Variants in DUSP22 observed in about 807,000 individuals in gnomAD.
The protein encoded by DUSP22 is dual specificity protein phosphatase 22.
A neutral mutation model predicts 24.5 loss-of-function variants in DUSP22; 24 were observed. The observed-to-expected ratio is 0.98, with a 90% confidence interval of 0.71 to 1.38. The LOEUF (loss-of-function observed/expected upper bound fraction) is 1.38. DUSP22 is among the 40% of genes most tolerant of loss of function. The pLI is 0.00. For synonymous variants in DUSP22, 160 were observed against 106.4 expected, an observed-to-expected ratio of 1.50 and a Z score of -3.10; for missense variants, 330 against 269.2, an observed-to-expected ratio of 1.23 and a Z score of -1.58.
At chr6:332,916 A>G (rs886895153) in intron 3 of DUSP22, among the ~76,000 whole-genome samples, 7 of 152,310 alleles carry the variant, frequency 4.6e-5, no homozygotes, top group Admixed American at 3.9e-4. Flanking sequence ...TTCTGGACTG[A>G]TCGACTGCCA....
intron 3 of DUSP22, among the ~76,000 whole-genome samples, chr6:323,122 G>C (rs971226346): frequency 1.3e-5 from 2 of 152,302 alleles, no homozygotes; most frequent in Non-Finnish European, 2.9e-5. Context: ...TGAAGCAATA[G>C]CACCTAGCTA....
At chr6:344,465 A>G (rs1759763399) in intron 4 of DUSP22, among the ~76,000 whole-genome samples, 4 of 152,208 alleles carry the variant, frequency 2.6e-5, no homozygotes, top group Admixed American at 2.0e-4. Flanking sequence ...TTTTTTTGGT[A>G]TTTTCTGTAG....
At chr6:304,805 T>C (rs1757746668) in intron 2 of DUSP22, 144 bp downstream of exon 2, 2 of 1,250,786 alleles carry the variant, frequency 1.6e-6, no homozygotes, top group South Asian at 2.4e-5. Context: ...TGCAGGACTT[T>C]TCATGTTCCC....
intron 2 of DUSP22, among the ~76,000 whole-genome samples, chr6:311,557 G>T (rs992425506): frequency 1.4e-4 from 21 of 152,298 alleles, no homozygotes; most frequent in Non-Finnish European, 2.4e-4. Flanking sequence ...GCGGGCGCCT[G>T]TAGTCCCAGC....
chr6:346,078 G>A (rs532137827), intron 5 of DUSP22, 150 bp downstream of exon 5: 33 of 1,013,460 alleles, frequency 3.3e-5, no homozygotes, highest in African/African-American at 9.6e-5. Context: ...TTTGTCCAGC[G>A]CTGTGTGTTA....
intron 4 of DUSP22, among the ~76,000 whole-genome samples, chr6:339,693 G>GAGA (rs1352870992): frequency 6.6e-6 from 1 of 152,292 alleles, no homozygotes; most frequent in Admixed American, 6.5e-5. Flanking sequence ...TTTTTGTGGG[G>GAGA]AGAAGAAGCT....
intron 3 of DUSP22, among the ~76,000 whole-genome samples, chr6:330,649 GA>G (rs1488650710): frequency 6.6e-5 from 10 of 152,294 alleles, no homozygotes; most frequent in Non-Finnish European, 1.5e-4. Flanking sequence ...TGTTGAAACA[GA>G]AAACTGAAAA....
At chr6:339,314 T>C (rs1266090886) in intron 4 of DUSP22, among the ~76,000 whole-genome samples, 1 of 152,306 alleles carries the variant, frequency 6.6e-6, no homozygotes, top group African/African-American at 2.4e-5. Flanking sequence ...AAAATGCCTA[T>C]CTCACAGGGT....
Position 348,168 on chromosome 6 carries a change from G to T in DUSP22, c.329G>T (p.Gly110Val), listed in dbSNP as rs1759978117. ...TACATCATGACCGTCACTGACTTTG[G>T]CTGGGAGGATGCCCTGCACACCGTG... Reference protein sequence around the residue: ...IAYIMTVTDFGWEDALHTVRA... With the variant: ...IAYIMTVTDFVWEDALHTVRA... The change falls in exon 6 of 7, where the codon GGC becomes GTC. Residue 110 changes from glycine (G) to valine (V), a missense_variant. Coordinates refer to ENST00000419235, the MANE Select transcript of DUSP22 (RefSeq NM_001286555.3). The T allele has an allele frequency of 6.2e-7, 1 of 1,614,302 alleles. No homozygotes were observed. Among genetic ancestry groups the T allele is most frequent in the Non-Finnish European group, 8.5e-7 (1 of 1,180,060 alleles).
At chr6:348,505 T>G in intron 6 of DUSP22, 1 of 856,810 alleles carries the variant, frequency 1.2e-6, no homozygotes, top group Non-Finnish European at 1.8e-6. Flanking sequence ...TGGTACTCCC[T>G]ACTAGTTTGT....
At chr6:312,623 T>G (rs1244270174) in intron 3 of DUSP22, among the ~76,000 whole-genome samples, 1 of 152,294 alleles carries the variant, frequency 6.6e-6, no homozygotes, top group Non-Finnish European at 1.5e-5. Flanking sequence ...AAAATAATGC[T>G]GTGTGGTTGT....
intron 1 of DUSP22, among the ~76,000 whole-genome samples, chr6:294,955 G>A (rs866574460): frequency 6.6e-6 from 1 of 152,282 alleles, no homozygotes; most frequent in Non-Finnish European, 1.5e-5. Context: ...GTGAGATCAG[G>A]AGGAACTACC....
At chr6:317,608 G>T (rs1202221706) in intron 3 of DUSP22, among the ~76,000 whole-genome samples, 1 of 152,304 alleles carries the variant, frequency 6.6e-6, no homozygotes, top group Non-Finnish European at 1.5e-5. Context: ...CATGAGACAC[G>T]TGTGCACTGT....
chr6:344,015 C>T (rs1561680821), intron 4 of DUSP22, among the ~76,000 whole-genome samples: 1 of 152,302 alleles, frequency 6.6e-6, no homozygotes, highest in Admixed American at 6.5e-5. Flanking sequence ...ATGTGCTATC[C>T]ATCCCGAGGT....
Position 292,536 on chromosome 6 carries a change from C to T in DUSP22, c.-4C>T, listed in dbSNP as rs753245438. The T allele has an allele frequency of 6.2e-7, 1 of 1,605,998 alleles. No homozygotes were observed. Among genetic ancestry groups the T allele is most frequent in the Non-Finnish European group, 8.5e-7 (1 of 1,176,270 alleles). ...CGGGGCGCTAGCGTTCGCCTTCAGCCACCATGGGGAATGGGATGAACAAGG... is the reference window on the plus strand; with the variant it reads ...CGGGGCGCTAGCGTTCGCCTTCAGCTACCATGGGGAATGGGATGAACAAGG... On this transcript the variant is annotated 5_prime_UTR_variant, in exon 1 of 7. Coordinates refer to ENST00000419235, the MANE Select transcript of DUSP22 (RefSeq NM_001286555.3).
chr6:332,644 C>CTTTTTTT (rs3053546), intron 3 of DUSP22, among the ~76,000 whole-genome samples: 1 of 148,066 alleles, frequency 6.8e-6, no homozygotes, highest in African/African-American at 2.5e-5. Context: ...TCCTGTCCTT[C>CTTTTTTT]TTTTTTTTTT....
intron 3 of DUSP22, among the ~76,000 whole-genome samples, chr6:324,595 C>T (rs1252371499): frequency 1.8e-4 from 27 of 152,428 alleles, no homozygotes; most frequent in Admixed American, 7.2e-4. Context: ...CACGTCCAGC[C>T]TTTGCGTGTC....
In DUSP22 at chr6:292,529, C is replaced by T. The variant is rs1430164911; in HGVS notation, c.-11C>T. On this transcript the variant is annotated 5_prime_UTR_variant, in exon 1 of 7. Transcript: ENST00000419235. ...ACACGGCCGGGGCGCTAGCGTTCGCCTTCAGCCACCATGGGGAATGGGATG... is the reference window on the plus strand; with the variant it reads ...ACACGGCCGGGGCGCTAGCGTTCGCTTTCAGCCACCATGGGGAATGGGATG... 13 of 1,605,546 alleles carry T rather than the reference C, an allele frequency of 8.1e-6. No homozygotes were observed. The highest frequency in any genetic ancestry group is 7.7e-5 in the South Asian group (7 of 90,526).
intron 3 of DUSP22, among the ~76,000 whole-genome samples, chr6:328,329 G>C (rs943223754): frequency 6.6e-6 from 1 of 152,300 alleles, no homozygotes; most frequent in Non-Finnish European, 1.5e-5. Context: ...CTCCCTCACT[G>C]CCTTCCCATA....
Sources: gnomAD v4.1 joint callset for allele counts (sites outside exome capture counted in the v4.1 genomes callset) on GRCh38, gnomAD v4.1.1 for gene constraint, MANE v1.5 for transcripts, NCBI Gene and HGNC (gene_info 2026-07-23, HGNC 2026-07-21) for gene names.